PCDH15: variants seen among roughly 807,000 people sequenced by gnomAD.
PCDH15 encodes the protein protocadherin-15.
Under a neutral mutation model 178.5 loss-of-function variants are expected in PCDH15, and 129 were observed. The observed-to-expected ratio is 0.72, with a 90% CI of 0.63 to 0.84. The LOEUF is 0.84. Ranked by LOEUF, PCDH15 falls within the 40% of genes least tolerant of loss-of-function variation. PCDH15 has a pLI of 0.00. For missense variants in PCDH15, 2,230 were observed against 2,099.9 expected (o/e 1.06, Z -1.21); for synonymous variants, 800 against 732.0 (o/e 1.09, Z -1.50).
chr10:54,450,764 G>A (rs201857259), intron 3 of PCDH15, among the ~76,000 whole-genome samples: 1 of 151,532 alleles, frequency 6.6e-6, no homozygotes, highest in East Asian at 1.9e-4. Context: ...ACATTCAAAA[G>A]AAAACAAACA....
At chr10:53,821,574 C>A (rs2076271792) in intron 32 of PCDH15, 1 of 1,112,244 alleles carries the variant, frequency 9.0e-7, no homozygotes, top group Admixed American at 4.6e-5. Context: ...ATTTTCATGC[C>A]CACATATTCC....
At chr10:54,519,645 A>T (rs1366229694) in intron 3 of PCDH15, among the ~76,000 whole-genome samples, 2 of 152,158 alleles carry the variant, frequency 1.3e-5, no homozygotes, top group African/African-American at 4.8e-5. Context: ...GCCCAAGGTA[A>T]TTTATAGATT....
chr10:55,116,657 C>A (rs1255833850), intron 2 of PCDH15, among the ~76,000 whole-genome samples: 2 of 152,106 alleles, frequency 1.3e-5, no homozygotes, highest in African/African-American at 2.4e-5. Flanking sequence ...AGTGCTCTGG[C>A]AAGCTTCCAC....
At chr10:54,430,218 A>T (rs747491899) in intron 3 of PCDH15, among the ~76,000 whole-genome samples, 1 of 151,718 alleles carries the variant, frequency 6.6e-6, no homozygotes, top group Non-Finnish European at 1.5e-5. Context: ...ACCATGCCCA[A>T]CTAATTTTTG....
chr10:55,504,363 T>C (rs541041890), intron 2 of PCDH15, among the ~76,000 whole-genome samples: 1 of 151,476 alleles, frequency 6.6e-6, no homozygotes, highest in East Asian at 1.9e-4. Flanking sequence ...ATATGTTGGA[T>C]ATATTTCATT....
intron 2 of PCDH15, chr10:55,506,349 T>C (rs903964017): frequency 6.6e-6 from 1 of 151,600 alleles, no homozygotes; most frequent in East Asian, 1.9e-4. Context: ...ATTGAATAGA[T>C]AGCTATAGCT....
At chr10:54,293,239 G>A (rs1020642935) in intron 8 of PCDH15, among the ~76,000 whole-genome samples, 2 of 152,110 alleles carry the variant, frequency 1.3e-5, no homozygotes, top group Non-Finnish European at 2.9e-5. Context: ...TTTAATAAAT[G>A]GTGCTAGGAA....
chr10:55,339,560 T>G (rs1844493651), intron 2 of PCDH15, among the ~76,000 whole-genome samples: 1 of 152,148 alleles, frequency 6.6e-6, no homozygotes, highest in South Asian at 2.1e-4. Flanking sequence ...TATGCTGCAT[T>G]GGTTAGATCC....
intron 25 of PCDH15, among the ~76,000 whole-genome samples, chr10:53,909,121 C>A (rs184826513): frequency 1.1e-4 from 16 of 152,202 alleles, no homozygotes; most frequent in Admixed American, 9.8e-4. Flanking sequence ...ATCATGGGGG[C>A]AGTTTTCCCC....
At chr10:54,365,149 G>A (rs754591928) in intron 5 of PCDH15, among the ~76,000 whole-genome samples, 3 of 151,912 alleles carry the variant, frequency 2.0e-5, no homozygotes, top group East Asian at 3.9e-4. Flanking sequence ...AACCTTAATC[G>A]CATCTGCAAA....
chr10:54,275,030 A>C (rs1396165906), intron 8 of PCDH15, among the ~76,000 whole-genome samples: 1 of 152,006 alleles, frequency 6.6e-6, no homozygotes, highest in Admixed American at 6.6e-5. Context: ...CATGTGGATC[A>C]TAAAGAAAAT....
rs76347437 is a variant in PCDH15, at chr10:54,020,806, C to T, written c.2527-390G>A. The stretch of plus-strand genomic sequence containing the variant: ...TTAAATGACTGTTTCTTATTTTCTA[C>T]TGATTTGATAATCATGAACAAATAT... On this transcript the variant is annotated intron_variant, in intron 19 of 37. Coordinates refer to ENST00000644397, the MANE Select transcript of PCDH15 (RefSeq NM_001384140.1). Among the ~76,000 whole-genome samples the T allele has an allele frequency of 3.4e-3, 522 of 152,078 alleles. 1 individual carries two copies. Among genetic ancestry groups the T allele is most frequent in the African/African-American group, 0.012 (493 of 41,532 alleles).
At chr10:54,816,760 G>A (rs1028144892) in intron 3 of PCDH15, among the ~76,000 whole-genome samples, 27 of 152,008 alleles carry the variant, frequency 1.8e-4, no homozygotes, top group African/African-American at 6.0e-4. Flanking sequence ...TTATAAATAT[G>A]CAACTGTGGT....
intron 24 of PCDH15, 73 bp from the exon 25 acceptor site, chr10:53,939,028 T>G: frequency 6.7e-7 from 1 of 1,492,252 alleles, no homozygotes; most frequent in Non-Finnish European, 9.3e-7. Context: ...TAAAAGGCAC[T>G]GTGATTTCAA....
chr10:55,434,270 C>G (rs962088113), intron 2 of PCDH15, among the ~76,000 whole-genome samples: 2 of 151,640 alleles, frequency 1.3e-5, no homozygotes, highest in Non-Finnish European at 2.9e-5. Context: ...CGGGGTTTCA[C>G]TGGTCTCGAT....
In PCDH15 at chr10:53,806,497, A is replaced by G. The variant is rs962468080; in HGVS notation, c.*82T>C. 1.7e-6 allele frequency: 2 copies of G among 1,197,298 alleles called. No individual in the cohort carries two copies. The highest frequency in any genetic ancestry group is 2.6e-5 in the Admixed American group (1 of 38,230). The allele number at this position is 1,197,298 out of a possible 1,614,324, so 74.2% of individuals were successfully genotyped here. On this transcript the variant is annotated 3_prime_UTR_variant, in exon 38 of 38. Coordinates refer to ENST00000644397, the MANE Select transcript of PCDH15 (RefSeq NM_001384140.1). ...TGTGTGCATGATATAAATTCCATACATTGTTTTCTCAGTGACAATAAAAAG... is the reference window on the plus strand; with the variant it reads ...TGTGTGCATGATATAAATTCCATACGTTGTTTTCTCAGTGACAATAAAAAG...
At chr10:54,577,862 A>C (rs2090657424) in intron 2 of PCDH15, among the ~76,000 whole-genome samples, 1 of 147,584 alleles carries the variant, frequency 6.8e-6, no homozygotes, top group Non-Finnish European at 1.5e-5. Context: ...GAATAAATAA[A>C]TAAATAAATA....
intron 3 of PCDH15, among the ~76,000 whole-genome samples, chr10:54,879,641 A>C (rs1000090503): frequency 1.3e-5 from 2 of 151,394 alleles, no homozygotes; most frequent in Non-Finnish European, 1.5e-5. Context: ...CTAAAACTGA[A>C]TATTGGTTTA....
intron 2 of PCDH15, among the ~76,000 whole-genome samples, chr10:54,976,412 C>A (rs752430404): frequency 1.6e-4 from 24 of 152,088 alleles, no homozygotes; most frequent in Non-Finnish European, 2.9e-4. Flanking sequence ...AATCAGTCTC[C>A]CCAAAGGCTC....
Sources: gnomAD v4.1 joint callset for allele counts (sites outside exome capture counted in the v4.1 genomes callset) on GRCh38, gnomAD v4.1.1 for gene constraint, MANE v1.5 for transcripts, NCBI Gene and HGNC (gene_info 2026-07-23, HGNC 2026-07-21) for gene names.